The following GON4L variants were observed in gnomAD, a reference collection of about 807,000 sequenced individuals.
GON4L encodes the protein GON-4-like protein.
Under a neutral mutation model 211.8 loss-of-function variants are expected in GON4L, and 87 were observed. The observed-to-expected ratio is 0.41, with a 90% CI of 0.35 to 0.49. The LOEUF (loss-of-function observed/expected upper bound fraction) is 0.49. Ranked by LOEUF, GON4L falls within the 20% of genes least tolerant of loss-of-function variation. The pLI is 0.15. For missense variants in GON4L, 2,155 were observed against 2,659.5 expected, an observed-to-expected ratio of 0.81 and a Z score of 4.17; for synonymous variants, 875 against 962.6, an observed-to-expected ratio of 0.91 and a Z score of 1.68.
chr1:155,839,371 A>G (rs2102403268), intron 2 of GON4L, among the ~76,000 whole-genome samples: 1 of 152,286 alleles, frequency 6.6e-6, no homozygotes, highest in East Asian at 1.9e-4. Flanking sequence ...AGTATAGGCC[A>G]GGCACAGTGG....
In GON4L at chr1:155,853,374, A is replaced by C; in HGVS notation, c.407T>G (p.Leu136Arg). Residue 136 changes from leucine to arginine, a missense_variant, in exon 2 of 32, where the codon CTC becomes CGC. Coordinates refer to ENST00000368331, the MANE Select transcript of GON4L (RefSeq NM_001282860.2). The stretch of plus-strand genomic sequence containing the variant: ...TTCTTGGGTAACTGGCCCAGGCCTG[A>C]GTGTCATTTTTTTCCCTCTCTTTGA... ...TGSKRGKKMT[L>R]RPGPVTQEDR... is the part of the protein sequence containing the mutation. 6.2e-7 allele frequency: 1 copy of C among 1,614,036 alleles called. No individual in the cohort carries two copies. The highest frequency in any genetic ancestry group is 8.5e-7 in the Non-Finnish European group (1 of 1,179,980).
At chr1:155,822,191 T>A in intron 4 of GON4L, 95 bp downstream of exon 4, 1 of 1,011,364 alleles carries the variant, frequency 9.9e-7, no homozygotes, top group Non-Finnish European at 1.6e-6. Context: ...AATCGGTAAT[T>A]CACGTATCAA....
At chr1:155,781,755 C>T (rs914742129) in intron 14 of GON4L, among the ~76,000 whole-genome samples, 9 of 151,722 alleles carry the variant, frequency 5.9e-5, no homozygotes, top group African/African-American at 2.2e-4. Context: ...GCCACCGCAC[C>T]CGGCCTATTA....
chr1:155,795,020 G>T, intron 12 of GON4L, 30 bp downstream of exon 12: 1 of 1,212,742 alleles, frequency 8.2e-7, no homozygotes, highest in South Asian at 1.2e-5. Context: ...AAGCAGTCAA[G>T]AGCAGGACTT....
intron 2 of GON4L, 140 bp from the exon 3 acceptor site, chr1:155,827,168 TAAATC>T (rs1669289212): frequency 1.4e-5 from 10 of 699,300 alleles, no homozygotes; most frequent in Non-Finnish European, 2.3e-5. Context: ...TTTCCTCTCT[TAAATC>T]AAAGCTCAGA....
At chr1:155,842,738 G>C (rs1670890495) in intron 2 of GON4L, among the ~76,000 whole-genome samples, 1 of 151,518 alleles carries the variant, frequency 6.6e-6, no homozygotes, top group African/African-American at 2.4e-5. Context: ...TCAGAAGGCT[G>C]AGGCAGGGGA....
chr1:155,745,739 A>T, downstream of GON4L: 1 of 1,071,278 alleles, frequency 9.3e-7, no homozygotes, highest in Non-Finnish European at 1.3e-6. Context: ...AGTCGCCAGT[A>T]TAACACCCGC....
intron 17 of GON4L, among the ~76,000 whole-genome samples, chr1:155,773,730 T>G (rs1175897380): frequency 1.3e-5 from 2 of 152,158 alleles, no homozygotes; most frequent in African/African-American, 4.8e-5. Flanking sequence ...GACAATTCAG[T>G]CTCATTCATT....
At chr1:155,831,457 AT>A (rs1669760724) in intron 2 of GON4L, 1 of 10,576 alleles carries the variant, frequency 9.5e-5, no homozygotes, top group African/African-American at 2.1e-4. Context: ...CTCGTTAAAA[AT>A]AAATAAATAA....
intron 3 of GON4L, among the ~76,000 whole-genome samples, chr1:155,824,414 A>G (rs1190337690): frequency 7.4e-6 from 1 of 135,136 alleles, no homozygotes; most frequent in East Asian, 2.3e-4. Context: ...AGCCTGGGTG[A>G]CGAGAGCAAA....
At chr1:155,800,678 C>T (rs887876388) in intron 11 of GON4L, among the ~76,000 whole-genome samples, 5 of 151,714 alleles carry the variant, frequency 3.3e-5, no homozygotes, top group African/African-American at 1.2e-4. Flanking sequence ...ATGGTGAAAC[C>T]CCATCTCTAC....
intron 12 of GON4L, among the ~76,000 whole-genome samples, chr1:155,786,420 C>T (rs530043225): frequency 6.6e-6 from 1 of 152,086 alleles, no homozygotes; most frequent in Non-Finnish European, 1.5e-5. Flanking sequence ...GTCCCAGCTA[C>T]TCAAGAGGCT....
chr1:155,788,397 C>T (rs1665172468), intron 12 of GON4L, among the ~76,000 whole-genome samples: 1 of 152,186 alleles, frequency 6.6e-6, no homozygotes, highest in African/African-American at 2.4e-5. Flanking sequence ...CTGGCAATTT[C>T]TTATAAAACT....
At chr1:155,761,886 A>T (rs1661843650) in intron 23 of GON4L, among the ~76,000 whole-genome samples, 1 of 152,154 alleles carries the variant, frequency 6.6e-6, no homozygotes, top group Non-Finnish European at 1.5e-5. Flanking sequence ...GGTTCTATAA[A>T]GGTCCTTATC....
intron 11 of GON4L, 140 bp downstream of exon 11, chr1:155,804,809 A>G: frequency 1.4e-6 from 1 of 714,580 alleles, no homozygotes; most frequent in Admixed American, 2.3e-5. Flanking sequence ...AAAATTAACT[A>G]CTGATTTAAG....
intron 24 of GON4L, among the ~76,000 whole-genome samples, chr1:155,759,325 A>G (rs1479703931): frequency 2.0e-5 from 3 of 152,116 alleles, no homozygotes; most frequent in African/African-American, 7.2e-5. Flanking sequence ...TAATCCCAGC[A>G]ATTTGGGAGG....
intron 24 of GON4L, among the ~76,000 whole-genome samples, chr1:155,758,380 C>T (rs965587819): frequency 2.0e-5 from 3 of 152,228 alleles, no homozygotes; most frequent in African/African-American, 7.2e-5. Context: ...CAAGGTGGCT[C>T]ATAGCTGTAA....
intron 14 of GON4L, among the ~76,000 whole-genome samples, chr1:155,780,588 A>G (rs915096730): frequency 3.3e-5 from 5 of 151,808 alleles, no homozygotes; most frequent in Non-Finnish European, 5.9e-5. Context: ...GCAAGACTCC[A>G]TTTCAAAAAA....
chr1:155,764,369 T>C, intron 21 of GON4L: 1 of 165,794 alleles, frequency 6.0e-6, no homozygotes, highest in Non-Finnish European at 1.3e-5. Flanking sequence ...CTGCCCGCCT[T>C]GGCCTCCCAA....
Sources: gnomAD v4.1 joint callset for allele counts (sites outside exome capture counted in the v4.1 genomes callset) on GRCh38, gnomAD v4.1.1 for gene constraint, MANE v1.5 for transcripts, NCBI Gene and HGNC (gene_info 2026-07-23, HGNC 2026-07-21) for gene names.